The following SAMMSON variants were observed in gnomAD, a reference collection of about 807,000 sequenced individuals.
SAMMSON encodes survival associated mitochondrial melanoma specific oncogenic non-coding RNA, also known as long intergenic non-protein coding RNA 1212.
chr3:70,260,288 C>G (rs1701853266), intron 6 of SAMMSON, among the ~76,000 whole-genome samples: 1 of 152,134 alleles, frequency 6.6e-6, no homozygotes, highest in African/African-American at 2.4e-5. Context: ...CTGTGTGTGT[C>G]TGTGTCTTCC....
chr3:70,067,867 G>A (rs2067215852), intron 3 of SAMMSON, among the ~76,000 whole-genome samples: 1 of 150,344 alleles, frequency 6.7e-6, no homozygotes, highest in South Asian at 2.1e-4. Flanking sequence ...TGGGAGACCT[G>A]ATTTTTTGCC....
rs187118942 is a variant in SAMMSON at position 70,384,157 on chromosome 3, C to A, written n.914-5417C>A. ...TACACCAGTCACACTGAGTCTCAAA[C>A]ATGATTCAGTTGCTACCTGCTGATT... is the stretch of plus-strand genomic sequence containing the variant. On this transcript the variant is annotated intron_variant and non_coding_transcript_variant, in intron 9 of 9. Coordinates refer to ENST00000642114, the Ensembl canonical transcript of SAMMSON. 2.5e-3 allele frequency among the ~76,000 whole-genome samples: 378 copies of A among 152,190 alleles called. 2 individuals carry two copies. The highest frequency in any genetic ancestry group is 8.3e-3 in the African/African-American group (346 of 41,544).
intron 6 of SAMMSON, among the ~76,000 whole-genome samples, chr3:70,269,549 G>A (rs768568815): frequency 1.2e-4 from 19 of 152,144 alleles, no homozygotes; most frequent in Non-Finnish European, 2.5e-4. Flanking sequence ...TTTTGACCAC[G>A]TAGCAGGGTT....
At chr3:70,175,460 C>T (rs1035949457) in intron 4 of SAMMSON, among the ~76,000 whole-genome samples, 4 of 151,996 alleles carry the variant, frequency 2.6e-5, no homozygotes, top group East Asian at 1.9e-4. Context: ...GTATGAGAGA[C>T]AGGAAGTATA....
chr3:70,119,946 TTTATTA>T (rs1338438071), intron 4 of SAMMSON, among the ~76,000 whole-genome samples: 4 of 152,034 alleles, frequency 2.6e-5, no homozygotes, highest in Non-Finnish European at 5.9e-5. Flanking sequence ...AGTGGATAGA[TTTATTA>T]TTATTATTAT....
intron 4 of SAMMSON, among the ~76,000 whole-genome samples, chr3:70,172,039 G>A (rs1700961577): frequency 6.6e-6 from 1 of 151,810 alleles, no homozygotes; most frequent in African/African-American, 2.4e-5. Context: ...TGCTATCTGG[G>A]GAGAATCTGC....
At chr3:70,125,920 G>A (rs1325531770) in intron 4 of SAMMSON, 5 of 718,828 alleles carry the variant, frequency 7.0e-6, no homozygotes, top group East Asian at 5.4e-5. Context: ...ATCGTCTTCT[G>A]GCCAAGGAGG....
chr3:70,207,778 AT>A (rs1197506925), intron 4 of SAMMSON, among the ~76,000 whole-genome samples: 1 of 152,094 alleles, frequency 6.6e-6, no homozygotes, highest in Non-Finnish European at 1.5e-5. Flanking sequence ...TGCATAGGTT[AT>A]ATGCAAATAC....
chr3:70,109,771 TTATAC>T (rs2067380988), intron 4 of SAMMSON, among the ~76,000 whole-genome samples: 1 of 152,208 alleles, frequency 6.6e-6, no homozygotes, highest in African/African-American at 2.4e-5. Flanking sequence ...ATCTTGTACA[TTATAC>T]TGCCTCCTTA....
intron 3 of SAMMSON, among the ~76,000 whole-genome samples, chr3:70,064,416 A>C (rs2067201812): frequency 6.6e-6 from 1 of 152,138 alleles, no homozygotes; most frequent in Admixed American, 6.5e-5. Flanking sequence ...CTCAAAGTCA[A>C]AACTGATTTT....
chr3:70,170,663 A>C (rs749245606), intron 4 of SAMMSON, among the ~76,000 whole-genome samples: 2 of 150,470 alleles, frequency 1.3e-5, no homozygotes, highest in Non-Finnish European at 3.0e-5. Context: ...AGAGGTGAAA[A>C]ATTTTTAAAA....
At chr3:70,218,715 G>T (rs908956164) in intron 4 of SAMMSON, among the ~76,000 whole-genome samples, 1 of 152,046 alleles carries the variant, frequency 6.6e-6, no homozygotes, top group African/African-American at 2.4e-5. Flanking sequence ...GTCACTTAAA[G>T]CCTACAAGAG....
chr3:70,231,415 C>G (rs542769493), intron 4 of SAMMSON, among the ~76,000 whole-genome samples: 3 of 152,314 alleles, frequency 2.0e-5, no homozygotes, highest in African/African-American at 4.8e-5. Flanking sequence ...AGCTCTACCC[C>G]CAGAGCTCCC....
chr3:70,046,619 T>C (rs1400734611), intron 3 of SAMMSON, among the ~76,000 whole-genome samples: 2 of 152,260 alleles, frequency 1.3e-5, no homozygotes, highest in East Asian at 1.9e-4. Flanking sequence ...GTTTCTTTTG[T>C]TGTTTCACAT....
chr3:70,415,960 A>G (rs1307523352), intron 2 of SAMMSON, among the ~76,000 whole-genome samples: 1 of 152,172 alleles, frequency 6.6e-6, no homozygotes, highest in East Asian at 1.9e-4. Context: ...TCGTTCTCCT[A>G]TCACTATTTT....
At chr3:70,185,124 A>G (rs541043365) in intron 4 of SAMMSON, among the ~76,000 whole-genome samples, 18 of 152,298 alleles carry the variant, frequency 1.2e-4, no homozygotes, top group South Asian at 4.1e-4. Flanking sequence ...TTGCAAAATT[A>G]AGGTATTTTT....
chr3:70,406,140 C>T (rs764855362), intron 2 of SAMMSON, among the ~76,000 whole-genome samples: 21 of 152,144 alleles, frequency 1.4e-4, no homozygotes, highest in Non-Finnish European at 2.6e-4. Context: ...TATTTCAAAA[C>T]ATCATGTTGC....
At chr3:70,202,647 G>A (rs574455423) in intron 4 of SAMMSON, among the ~76,000 whole-genome samples, 1 of 152,236 alleles carries the variant, frequency 6.6e-6, no homozygotes, top group African/African-American at 2.4e-5. Flanking sequence ...CCTGCAGGCT[G>A]CACAGTCAAC....
intron 4 of SAMMSON, among the ~76,000 whole-genome samples, chr3:70,234,542 A>C (rs920718307): frequency 6.6e-6 from 1 of 151,500 alleles, no homozygotes; most frequent in Non-Finnish European, 1.5e-5. Context: ...CCAGAGGCTG[A>C]GGTGGGAGGA....
Sources: allele counts gnomAD v4.1 joint callset (sites outside exome capture counted in the v4.1 genomes callset), GRCh38; gene constraint gnomAD v4.1.1; transcripts MANE v1.5; gene names NCBI Gene and HGNC (gene_info 2026-07-23, HGNC 2026-07-21).